The following GRIK1 variants were observed in gnomAD, a reference collection of about 807,000 sequenced individuals.
The protein encoded by GRIK1 is glutamate receptor ionotropic, kainate 1.
A neutral mutation model predicts 105.7 loss-of-function variants in GRIK1; 69 were observed. The observed-to-expected ratio is 0.65, with a 90% CI of 0.54 to 0.80. GRIK1 has a LOEUF of 0.80. GRIK1 is among the 30% of genes least tolerant of loss of function. The probability of loss-of-function intolerance (pLI) is 0.00; values close to 1 mark genes in which losing one functional copy is unlikely to be tolerated. For missense variants in GRIK1, 1,109 were observed against 1,167.3 expected (o/e 0.95, Z 0.73); for synonymous variants, 438 against 431.3 (o/e 1.02, Z -0.19).
chr21:29,792,077 T>C (rs1277665915), intron 1 of GRIK1, among the ~76,000 whole-genome samples: 1 of 152,200 alleles, frequency 6.6e-6, no homozygotes, highest in Non-Finnish European at 1.5e-5. Context: ...AACCCATTTG[T>C]AAATTGGAAA....
At chr21:29,641,378 C>T (rs117698274) in intron 7 of GRIK1, among the ~76,000 whole-genome samples, 1,669 of 151,974 alleles carry the variant, frequency 0.011, 11 homozygotes, top group African/African-American at 0.027. Context: ...TTTTCTCTTG[C>T]CTGCCACCAT....
intron 1 of GRIK1, among the ~76,000 whole-genome samples, chr21:29,765,845 A>T (rs886134800): frequency 6.6e-6 from 1 of 150,980 alleles, no homozygotes; most frequent in Non-Finnish European, 1.5e-5. Context: ...AATTTTATCT[A>T]AGAAAATTCT....
chr21:29,604,647 A>G (rs572671189), intron 7 of GRIK1, among the ~76,000 whole-genome samples: 1 of 152,326 alleles, frequency 6.6e-6, no homozygotes, highest in African/African-American at 2.4e-5. Flanking sequence ...GCATTTGCAG[A>G]GGGGACAATT....
chr21:29,700,100 G>T (rs570132168), intron 1 of GRIK1, among the ~76,000 whole-genome samples: 3 of 152,282 alleles, frequency 2.0e-5, no homozygotes, highest in African/African-American at 7.2e-5. Context: ...TTGAAATCTT[G>T]GTTTAGACAG....
intron 1 of GRIK1, among the ~76,000 whole-genome samples, chr21:29,921,557 G>A (rs466421): frequency 0.26 from 39,220 of 151,944 alleles, 6,372 homozygotes; most frequent in African/African-American, 0.46. Context: ...GGTTCCCTTC[G>A]TTTTTAATTA....
chr21:29,931,776 G>A (rs2071574422), intron 1 of GRIK1, among the ~76,000 whole-genome samples: 2 of 152,242 alleles, frequency 1.3e-5, no homozygotes, highest in South Asian at 2.1e-4. Flanking sequence ...AAATACATGT[G>A]TGTGTGTACC....
At chr21:29,574,369 A>G (rs1241857274) in intron 14 of GRIK1, among the ~76,000 whole-genome samples, 2 of 152,144 alleles carry the variant, frequency 1.3e-5, no homozygotes, top group Non-Finnish European at 2.9e-5. Flanking sequence ...CTGCTAGCCC[A>G]TTTCCCAGTA....
At chr21:29,670,025 G>A (rs1012050940) in intron 4 of GRIK1, among the ~76,000 whole-genome samples, 2 of 152,154 alleles carry the variant, frequency 1.3e-5, no homozygotes, top group African/African-American at 4.8e-5. Context: ...GCCTCTGGAG[G>A]TTCCAATGAA....
chr21:29,862,593 C>T (rs977886502), intron 1 of GRIK1, among the ~76,000 whole-genome samples: 1 of 152,194 alleles, frequency 6.6e-6, no homozygotes, highest in Non-Finnish European at 1.5e-5. Flanking sequence ...TGCAATGGCT[C>T]ATCCTCCTAT....
chr21:29,807,457 A>G (rs1287275505), intron 1 of GRIK1, among the ~76,000 whole-genome samples: 4 of 152,076 alleles, frequency 2.6e-5, no homozygotes, highest in Non-Finnish European at 5.9e-5. Context: ...TCTTCCTCTT[A>G]CAGATGTTTC....
intron 1 of GRIK1, among the ~76,000 whole-genome samples, chr21:29,867,938 G>GAA (rs201306947): frequency 4.8e-5 from 5 of 104,438 alleles, no homozygotes; most frequent in African/African-American, 2.1e-4. Flanking sequence ...GAGAGAGAAA[G>GAA]AGAGAGAGAA....
intron 1 of GRIK1, among the ~76,000 whole-genome samples, chr21:29,769,402 C>T (rs538943690): frequency 2.0e-5 from 3 of 152,048 alleles, no homozygotes; most frequent in African/African-American, 4.8e-5. Context: ...CATGAGAAAC[C>T]GGTTTCCTGG....
At chr21:29,715,657 C>T (rs140258133) in intron 1 of GRIK1, among the ~76,000 whole-genome samples, 1 of 149,138 alleles carries the variant, frequency 6.7e-6, no homozygotes, top group African/African-American at 2.5e-5. Context: ...ACAGAGTAGC[C>T]TTCTCATCAA....
At chr21:29,800,182 T>G (rs1173978819) in intron 1 of GRIK1, among the ~76,000 whole-genome samples, 1 of 152,182 alleles carries the variant, frequency 6.6e-6, no homozygotes, top group East Asian at 1.9e-4. Flanking sequence ...CGATCTGGCT[T>G]TCTTAAAGCC....
intron 3 of GRIK1, among the ~76,000 whole-genome samples, chr21:29,685,378 C>G (rs961925735): frequency 6.6e-6 from 1 of 151,838 alleles, no homozygotes; most frequent in Non-Finnish European, 1.5e-5. Context: ...AGAAGAGAGA[C>G]AGGCAAAACT....
intron 3 of GRIK1, among the ~76,000 whole-genome samples, chr21:29,680,352 T>C (rs761070094): frequency 2.0e-5 from 3 of 152,242 alleles, no homozygotes; most frequent in Non-Finnish European, 2.9e-5. Context: ...TCCTCTCAGA[T>C]ATTATGCCAG....
chr21:29,554,624 A>T (rs1280743750), intron 16 of GRIK1, among the ~76,000 whole-genome samples: 1 of 152,186 alleles, frequency 6.6e-6, no homozygotes, highest in Non-Finnish European at 1.5e-5. Flanking sequence ...ACATATTTAT[A>T]TAAATTGTTT....
At chr21:29,915,004 A>G (rs1313270056) in intron 1 of GRIK1, among the ~76,000 whole-genome samples, 1 of 152,072 alleles carries the variant, frequency 6.6e-6, no homozygotes, top group Non-Finnish European at 1.5e-5. Context: ...CAAAAGGATG[A>G]AATATGTTTT....
intron 1 of GRIK1, among the ~76,000 whole-genome samples, chr21:29,732,003 G>A (rs1309197368): frequency 6.6e-6 from 1 of 152,126 alleles, no homozygotes; most frequent in East Asian, 1.9e-4. Context: ...ACTAGATTGT[G>A]TTCATATTTG....
Sources: gnomAD v4.1 joint callset for allele counts (sites outside exome capture counted in the v4.1 genomes callset) on GRCh38, gnomAD v4.1.1 for gene constraint, MANE v1.5 for transcripts, NCBI Gene and HGNC (gene_info 2026-07-23, HGNC 2026-07-21) for gene names.